Variants in IL15RA observed in about 807,000 individuals in gnomAD.
IL15RA encodes the protein interleukin-15 receptor subunit alpha.
In IL15RA, 26 loss-of-function variants were observed where a neutral mutation model predicts 24.2. That is an observed-to-expected ratio of 1.07 (90% CI 0.79 to 1.49). The LOEUF (loss-of-function observed/expected upper bound fraction) is 1.49. Among genes scored for constraint, IL15RA ranks in the 40% most tolerant of loss-of-function variants. The pLI is 0.00. For missense variants in IL15RA, 354 were observed against 356.4 expected (o/e 0.99, Z 0.05); for synonymous variants, 166 against 157.6 (o/e 1.05, Z -0.40).
rs1239998957 is a variant in IL15RA at position 5,973,220 on chromosome 10, C to T, written c.88+4185G>A. Among the ~76,000 whole-genome samples the T allele has an allele frequency of 6.6e-6, 1 of 152,176 alleles. No homozygotes were observed. Reference sequence around the variant, plus strand: ...CAACAACTTGTTGTGCATAGTAGCACAAGAAGGAGACTTTGCACCTTAGTG... The same window carrying T: ...CAACAACTTGTTGTGCATAGTAGCATAAGAAGGAGACTTTGCACCTTAGTG... On this transcript the variant is annotated intron_variant, in intron 1 of 6. Transcript: ENST00000379977. This position sits in a 1 kb window ranked among gnomAD's most constrained non-coding sequence, Gnocchi z 4.5.
upstream of IL15RA, among the ~76,000 whole-genome samples, chr10:5,978,338 T>C (rs1838764814): frequency 6.6e-6 from 1 of 152,114 alleles, no homozygotes; most frequent in Admixed American, 6.5e-5. The surrounding 1 kb of genome is among the most constrained non-coding windows in gnomAD (Gnocchi z 5.2). Context: ...TTTTTTTCTT[T>C]CTTGGGGTCT....
At position 5,966,173 on chromosome 10, in the gene IL15RA, G is replaced by A. The variant is rs1164487858; in HGVS notation, c.255C>T (p.His85=). The A allele has an allele frequency of 6.2e-7, 1 of 1,611,788 alleles. No individual in the cohort carries two copies. The change falls in exon 2 of 7, where the codon CAC becomes CAT. Residue 85 remains histidine, a synonymous_variant. Transcript: ENST00000379977. This position sits in a 1 kb window ranked among gnomAD's most constrained non-coding sequence, Gnocchi z 6.4. The stretch of plus-strand genomic sequence containing the variant: ...TGCATTTGAGACTGGGGGTTGTCCA[G>A]TGGGCGACATTCGTGGCCTTGTTCA... ...CVLNKATNVA[H]WTTPSLKCIR...
chr10:5,956,557 C>T, intron 5 of IL15RA, 103 bp from the exon 6 acceptor site: 1 of 802,738 alleles, frequency 1.2e-6, no homozygotes, highest in Non-Finnish European at 2.1e-6. Flanking sequence ...CCAAGTGCCT[C>T]CCAACCAGCC....
At chr10:5,954,390 C>T (rs987395054) in intron 6 of IL15RA, among the ~76,000 whole-genome samples, 1 of 152,076 alleles carries the variant, frequency 6.6e-6, no homozygotes, top group Non-Finnish European at 1.5e-5. Flanking sequence ...CAGGTGTGAG[C>T]CACTATGCCC....
At position 5,964,726 on chromosome 10, in the gene IL15RA, A is replaced by C. The variant is rs1025812136; in HGVS notation, c.284-885T>G. On this transcript the variant is annotated intron_variant, in intron 2 of 6. Coordinates refer to ENST00000379977, the MANE Select transcript of IL15RA (RefSeq NM_002189.4). This position sits in a 1 kb window ranked among gnomAD's most constrained non-coding sequence, Gnocchi z 5.6. Reference sequence around the variant, plus strand: ...GGACATGGAGTGTCGAGGAGACCTGACTTGCCCTGCAGTGAGAAAGCCCTC... The same window carrying C: ...GGACATGGAGTGTCGAGGAGACCTGCCTTGCCCTGCAGTGAGAAAGCCCTC... 6.6e-6 allele frequency among the ~76,000 whole-genome samples: 1 copy of C among 152,142 alleles called. No individual in the cohort carries two copies. The highest frequency in any genetic ancestry group is 1.5e-5 in the Non-Finnish European group (1 of 68,024).
chr10:5,974,008 GA>G (rs142005407), intron 1 of IL15RA, among the ~76,000 whole-genome samples: 5,965 of 141,092 alleles, frequency 0.042, 123 homozygotes, highest in Middle Eastern at 0.064. Context: ...GACAGAGTCA[GA>G]AAAAAAAAAA....
At position 5,973,019 on chromosome 10, in the gene IL15RA, G is replaced by A. The variant is rs548618422; in HGVS notation, c.88+4386C>T. On this transcript the variant is annotated intron_variant, in intron 1 of 6. Coordinates refer to ENST00000379977, the MANE Select transcript of IL15RA (RefSeq NM_002189.4). This position sits in a 1 kb window ranked among gnomAD's most constrained non-coding sequence, Gnocchi z 4.5. ...TGCACTTACACCTTACATAAAAAAA[G>A]CGAACTGAAATTGGTGGCTAGGGAT... 1.2e-4 allele frequency among the ~76,000 whole-genome samples: 18 copies of A among 152,272 alleles called. No individual in the cohort carries two copies. The highest frequency in any genetic ancestry group is 3.8e-4 in the African/African-American group (16 of 41,560).
chr10:5,973,685 G>A lies in IL15RA; in HGVS notation c.88+3720C>T, dbSNP rs1402581356. Among the ~76,000 whole-genome samples the A allele has an allele frequency of 6.6e-6, 1 of 152,160 alleles. No individual in the cohort carries two copies. Among genetic ancestry groups the A allele is most frequent in the Non-Finnish European group, 1.5e-5 (1 of 68,040 alleles). On this transcript the variant is annotated intron_variant, in intron 1 of 6. Transcript: ENST00000379977. This position sits in a 1 kb window ranked among gnomAD's most constrained non-coding sequence, Gnocchi z 4.5. ...AAAAATTAATTCAAAATGGATCACA[G>A]CCATAAATGTAAACCCTAAAGCTAT...
At chr10:5,977,724 AC>A (rs1838687705), upstream of IL15RA, 3 of 1,088,398 alleles carry the variant, frequency 2.8e-6, no homozygotes, top group Non-Finnish European at 3.5e-6. Flanking sequence ...CCGCACAGCC[AC>A]CCCTGTCCCC....
At chr10:5,977,714 C>T (rs777602091), upstream of IL15RA, 4 of 1,135,696 alleles carry the variant, frequency 3.5e-6, no homozygotes, top group Non-Finnish European at 4.5e-6. Flanking sequence ...CGCCGCGGCA[C>T]CGCACAGCCA....
At chr10:5,972,272 C>G (rs1045984326) in intron 1 of IL15RA, among the ~76,000 whole-genome samples, 1 of 152,208 alleles carries the variant, frequency 6.6e-6, no homozygotes, top group African/African-American at 2.4e-5. Context: ...CAAATCACAT[C>G]AACTATGTCC....
rs1834829329 is a variant in IL15RA, at chr10:5,958,008, T to C, written c.617-1554A>G. 6.6e-6 allele frequency among the ~76,000 whole-genome samples: 1 copy of C among 152,220 alleles called. No individual in the cohort carries two copies. ...AAAAATGACCCCTGAACTTTATATG[T>C]AGGATTTTATCCTACAGATGTTCTT... On this transcript the variant is annotated intron_variant, in intron 5 of 6. Coordinates refer to ENST00000379977, the MANE Select transcript of IL15RA (RefSeq NM_002189.4). The surrounding 1 kb of genome is among the most constrained non-coding windows in gnomAD (Gnocchi z 4.3).
rs1273239206 is a variant in IL15RA at position 5,961,993 on chromosome 10, C to T, written c.383-1426G>A. ...GCATCCTCAGCCAAGTGCCCACGGT[C>T]GTGCCAGCTCGGGTCAAAGGCTGCT... is the stretch of plus-strand genomic sequence containing the variant. On this transcript the variant is annotated intron_variant, in intron 3 of 6. Coordinates refer to ENST00000379977, the MANE Select transcript of IL15RA (RefSeq NM_002189.4). The surrounding 1 kb of genome is among the most constrained non-coding windows in gnomAD (Gnocchi z 5.2). Among the ~76,000 whole-genome samples, 3 of 152,218 alleles carry T rather than the reference C, an allele frequency of 2.0e-5. No homozygotes were observed. The highest frequency in any genetic ancestry group is 2.1e-4 in the South Asian group (1 of 4,828).
intron 1 of IL15RA, 112 bp downstream of exon 1, chr10:5,977,293 G>T: frequency 2.2e-6 from 1 of 447,212 alleles, no homozygotes; most frequent in Non-Finnish European, 3.6e-6. Flanking sequence ...CGCTCCCGAG[G>T]GCACCGACGC....
rs1835201124 is a variant in IL15RA, at chr10:5,959,847, G to A, written c.584-61C>T. ...CCTAGAGGTCCTAGTTCCTCATGAA[G>A]CAGGAGAAAATCTGCATGGCTTGGC... On this transcript the variant is annotated intron_variant, in intron 4 of 6. Transcript: ENST00000379977. The surrounding 1 kb of genome is among the most constrained non-coding windows in gnomAD (Gnocchi z 4.1). 1 of 1,546,748 alleles carries A rather than the reference G, an allele frequency of 6.5e-7. No homozygotes were observed. Among genetic ancestry groups the A allele is most frequent in the Non-Finnish European group, 8.9e-7 (1 of 1,121,110 alleles).
rs1837487811 is a variant in IL15RA, at chr10:5,970,849, C to T, written c.89-4510G>A. 6.6e-6 allele frequency among the ~76,000 whole-genome samples: 1 copy of T among 152,046 alleles called. No individual in the cohort carries two copies. Among genetic ancestry groups the T allele is most frequent in the South Asian group, 2.1e-4 (1 of 4,824 alleles). On this transcript the variant is annotated intron_variant, in intron 1 of 6. Transcript: ENST00000379977. This position sits in a 1 kb window ranked among gnomAD's most constrained non-coding sequence, Gnocchi z 4.1. ...GATTATGCCCCGCTGCAGCCTCAAA[C>T]TCCTGGCCTTAAGCAATCCTCCTGC...
Position 5,965,429 on chromosome 10 carries a change from C to T in IL15RA, c.283+716G>A, listed in dbSNP as rs968057809. On this transcript the variant is annotated intron_variant, in intron 2 of 6. Coordinates refer to ENST00000379977, the MANE Select transcript of IL15RA (RefSeq NM_002189.4). This position sits in a 1 kb window ranked among gnomAD's most constrained non-coding sequence, Gnocchi z 5.8. ...TCACACTAGCGTGCTCATGAGTGCCCGCCCAGCTCTGCAGCCAAATTCTCC... is the reference window on the plus strand; with the variant it reads ...TCACACTAGCGTGCTCATGAGTGCCTGCCCAGCTCTGCAGCCAAATTCTCC... Among the ~76,000 whole-genome samples, 4 of 152,240 alleles carry T rather than the reference C, an allele frequency of 2.6e-5. No homozygotes were observed. Among genetic ancestry groups the T allele is most frequent in the South Asian group, 2.1e-4 (1 of 4,836 alleles).
rs192679288 is a variant in IL15RA at position 5,955,358 on chromosome 10, C to T, written c.692+1021G>A. The stretch of plus-strand genomic sequence containing the variant: ...ACGCGATCTGCCTGCCTTGGCCTCC[C>T]GAAGTGCTGGGATTACAGGCATGAG... On this transcript the variant is annotated intron_variant, in intron 6 of 6. Coordinates refer to ENST00000379977, the MANE Select transcript of IL15RA (RefSeq NM_002189.4). This position sits in a 1 kb window ranked among gnomAD's most constrained non-coding sequence, Gnocchi z 5.3. 5.4e-4 allele frequency among the ~76,000 whole-genome samples: 82 copies of T among 152,178 alleles called. 1 individual carries two copies. The East Asian group carries it at 0.011, about 20-fold the overall frequency.
downstream of IL15RA, among the ~76,000 whole-genome samples, chr10:5,949,576 G>C (rs540559407): frequency 6.6e-6 from 1 of 152,256 alleles, no homozygotes; most frequent in African/African-American, 2.4e-5. This position sits in a 1 kb window ranked among gnomAD's most constrained non-coding sequence, Gnocchi z 4.4. Flanking sequence ...GGCAGCCTCA[G>C]CCAAGAGGAA....
Sources: gnomAD v4.1 joint callset for allele counts (sites outside exome capture counted in the v4.1 genomes callset) on GRCh38, gnomAD v4.1.1 for gene constraint, Gnocchi (gnomAD v3.1) non-coding constraint, MANE v1.5 for transcripts, NCBI Gene and HGNC (gene_info 2026-07-23, HGNC 2026-07-21) for gene names.